Variants in KIF17 observed in about 807,000 individuals in gnomAD.
KIF17 encodes the protein kinesin-like protein KIF17.
In KIF17, 80 loss-of-function variants were observed where a neutral mutation model predicts 96.8. The ratio of observed to expected loss-of-function variants is 0.83; its 90% CI spans 0.69 to 1.00. The LOEUF is 1.00. Among genes scored for constraint, KIF17 ranks in the 50% least tolerant of loss-of-function variants. KIF17 has a pLI of 0.00. For synonymous variants in KIF17, 567 were observed against 587.5 expected, an observed-to-expected ratio of 0.97 and a Z score of 0.51; for missense variants, 1,280 against 1,372.9, an observed-to-expected ratio of 0.93 and a Z score of 1.07.
At position 20,717,865 on chromosome 1, in the gene KIF17, G is replaced by A. The variant is rs1464577946; in HGVS notation, c.-159C>T. On this transcript the variant is annotated 5_prime_UTR_variant, in exon 1 of 15. Coordinates refer to ENST00000400463, the MANE Select transcript of KIF17 (RefSeq NM_001122819.3). Reference sequence around the variant, plus strand: ...GGGGGGCGGGGACCCCTCGGGGGGCGCCCCGGAGGGGAGCTGGGCGTCGCA... The same window carrying A: ...GGGGGGCGGGGACCCCTCGGGGGGCACCCCGGAGGGGAGCTGGGCGTCGCA... 5.2e-6 allele frequency: 2 copies of A among 384,598 alleles called. No homozygotes were observed. The highest frequency in any genetic ancestry group is 1.3e-4 in the African/African-American group (1 of 7,990). 23.8% of individuals were successfully genotyped at this position (384,598 alleles called of 1,614,324 possible).
chr1:20,709,933 C>A lies in KIF17; in HGVS notation c.481-105G>T. ...AAGGGCCCCATCCAGACCGCCCTCG[C>A]CCTCCTGTAATGCAGGCTGGCACCT... On this transcript the variant is annotated intron_variant, in intron 3 of 14. Coordinates refer to ENST00000400463, the MANE Select transcript of KIF17 (RefSeq NM_001122819.3). The surrounding 1 kb of genome is among the most constrained non-coding windows in gnomAD (Gnocchi z 4.7). The A allele has an allele frequency of 9.3e-7, 1 of 1,079,532 alleles. No homozygotes were observed. Among genetic ancestry groups the A allele is most frequent in the South Asian group, 1.3e-5 (1 of 74,318 alleles). 66.9% of individuals were successfully genotyped at this position (1,079,532 alleles called of 1,614,324 possible).
chr1:20,691,126 G>A (rs1015559444), intron 6 of KIF17, among the ~76,000 whole-genome samples: 5 of 150,278 alleles, frequency 3.3e-5, no homozygotes, highest in East Asian at 2.1e-4. Context: ...GCGAAACCCC[G>A]CCTCTACTAA....
At chr1:20,695,525 G>A (rs1351999031) in intron 6 of KIF17, among the ~76,000 whole-genome samples, 1 of 152,116 alleles carries the variant, frequency 6.6e-6, no homozygotes, top group Non-Finnish European at 1.5e-5. Context: ...TGAATCTCAG[G>A]CAGGCGGGTT....
At chr1:20,671,056 TCAG>T (rs2053639631) in intron 12 of KIF17, among the ~76,000 whole-genome samples, 1 of 151,454 alleles carries the variant, frequency 6.6e-6, no homozygotes, top group Non-Finnish European at 1.5e-5. Context: ...ATACGGGAGG[TCAG>T]CAGCAAGAGC....
At chr1:20,686,232 ACCC>A (rs2053936802) in intron 8 of KIF17, 106 bp from the exon 9 acceptor site, 2 of 842,260 alleles carry the variant, frequency 2.4e-6, no homozygotes, top group Admixed American at 4.1e-5. Flanking sequence ...GCCTCCCACC[ACCC>A]CCCAACCTCC....
In KIF17 at chr1:20,685,134, G is replaced by A; in HGVS notation, c.2020-114C>T. On this transcript the variant is annotated intron_variant, in intron 9 of 14. Coordinates refer to ENST00000400463, the MANE Select transcript of KIF17 (RefSeq NM_001122819.3). This position sits in a 1 kb window ranked among gnomAD's most constrained non-coding sequence, Gnocchi z 4.1. ...CATTCCGCCTGCTGCAGCCCCGACA[G>A]ATCACCTCCAGCTCAGGGACACCAG... The A allele has an allele frequency of 1.2e-6, 1 of 807,950 alleles. No homozygotes were observed. Among genetic ancestry groups the A allele is most frequent in the Non-Finnish European group, 2.1e-6 (1 of 468,792 alleles). 50.0% of individuals were successfully genotyped at this position (807,950 alleles called of 1,614,324 possible).
chr1:20,663,984 G>A, downstream of KIF17: 4 of 161,772 alleles, frequency 2.5e-5, no homozygotes, highest in Middle Eastern at 3.4e-3. Flanking sequence ...GGCCCCAAGT[G>A]ACACTGTCAG....
chr1:20,696,607 A>T (rs972729704), intron 6 of KIF17, among the ~76,000 whole-genome samples: 27 of 151,904 alleles, frequency 1.8e-4, no homozygotes, highest in African/African-American at 6.5e-4. Flanking sequence ...CACCAGGGGG[A>T]GGCAGTGCCC....
Position 20,709,501 on chromosome 1 carries a change from T to C in KIF17, c.670+138A>G. The C allele has an allele frequency of 1.1e-6, 1 of 907,590 alleles. No homozygotes were observed. Among genetic ancestry groups the C allele is most frequent in the Non-Finnish European group, 1.8e-6 (1 of 558,992 alleles). The allele number at this position is 907,590 out of a possible 1,614,324, so 56.2% of individuals were successfully genotyped here. ...ACGGGTCCCAGCATCCCAAGGGTCC[T>C]CTTGGGTTTCCTCCAGGCTGTTAGA... On this transcript the variant is annotated intron_variant, in intron 4 of 14. Transcript: ENST00000400463. The surrounding 1 kb of genome is among the most constrained non-coding windows in gnomAD (Gnocchi z 4.7).
intron 10 of KIF17, among the ~76,000 whole-genome samples, chr1:20,683,910 T>C (rs909394210): frequency 5.9e-5 from 9 of 151,642 alleles, no homozygotes; most frequent in African/African-American, 2.2e-4. Flanking sequence ...TCCACTTCTG[T>C]GAAGGCCCCC....
In KIF17 at chr1:20,687,921, G is replaced by A. The variant is rs371293452; in HGVS notation, c.1405C>T (p.Leu469Phe). ...CTGGACATGACCTCAGCCTTGTAGA[G>A]GACTCCCACCTGCAGGACAGCCTCT... ...ETEAVLQVGV[L>F]YKAEVMSRAE... Residue 469 changes from leucine to phenylalanine, a missense_variant, in exon 8 of 15, where the codon CTC becomes TTC. By Grantham distance (22) the Leu-to-Phe change is conservative. Coordinates refer to ENST00000400463, the MANE Select transcript of KIF17 (RefSeq NM_001122819.3). The surrounding 1 kb of genome is among the most constrained non-coding windows in gnomAD (Gnocchi z 4.4). The A allele has an allele frequency of 6.2e-7, 1 of 1,613,758 alleles. No homozygotes were observed. The highest frequency in any genetic ancestry group is 1.3e-5 in the African/African-American group (1 of 75,056).
At position 20,687,365 on chromosome 1, in the gene KIF17, G is replaced by C. The variant is rs1202458379; in HGVS notation, c.1938+23C>G. On this transcript the variant is annotated intron_variant, in intron 8 of 14. Coordinates refer to ENST00000400463, the MANE Select transcript of KIF17 (RefSeq NM_001122819.3). This position sits in a 1 kb window ranked among gnomAD's most constrained non-coding sequence, Gnocchi z 4.4. Reference sequence around the variant, plus strand: ...GCTCTGCCTGCTCAGTGTTCACATGGCACCATGCGTGACATCAGCTACCTG... The same window carrying C: ...GCTCTGCCTGCTCAGTGTTCACATGCCACCATGCGTGACATCAGCTACCTG... 22 of 1,610,620 alleles carry C rather than the reference G, an allele frequency of 1.4e-5. No homozygotes were observed. The highest frequency in any genetic ancestry group is 1.8e-5 in the Non-Finnish European group (21 of 1,178,508).
intron 6 of KIF17, among the ~76,000 whole-genome samples, chr1:20,695,267 A>G (rs1304763453): frequency 6.6e-6 from 1 of 152,090 alleles, no homozygotes; most frequent in East Asian, 1.9e-4. Context: ...GGCTCACTGC[A>G]ACCTCCACCT....
At position 20,715,521 on chromosome 1, in the gene KIF17, G is replaced by A; in HGVS notation, c.350C>T (p.Ala117Val). The change falls in exon 2 of 15, where the codon GCC (alanine) becomes GTC (valine). Residue 117 changes from alanine (A) to valine (V), a missense_variant. Coordinates refer to ENST00000400463, the MANE Select transcript of KIF17 (RefSeq NM_001122819.3). The part of the protein sequence containing the change: ...PPSQRGIIPR[A>V]FEHVFESVQC... ...GACGCTCTCGAACACGTGCTCGAAG[G>A]CCCTGGGGATGATGCCTCTCTGGGA... 6.2e-7 allele frequency: 1 copy of A among 1,613,464 alleles called. No individual in the cohort carries two copies. The highest frequency in any genetic ancestry group is 1.1e-5 in the South Asian group (1 of 91,076).
chr1:20,690,352 G>GGGGCCA lies in KIF17; in HGVS notation c.1234-18_1234-17insTGGCCC. ...TTCATACTCCTGGGGGGGTGGGAGG[G>GGGGCCA]ACCAGAGGGCAGGCAGCATTTTATC... On this transcript the variant is annotated splice_polypyrimidine_tract_variant and intron_variant, in intron 6 of 14. Coordinates refer to ENST00000400463, the MANE Select transcript of KIF17 (RefSeq NM_001122819.3). The GGGGCCA allele has an allele frequency of 2.2e-6, 1 of 451,150 alleles. No individual in the cohort carries two copies. Among genetic ancestry groups the GGGGCCA allele is most frequent in the Non-Finnish European group, 4.3e-6 (1 of 235,128 alleles). 27.9% of individuals were successfully genotyped at this position (451,150 alleles called of 1,614,324 possible). A position where few individuals can be genotyped will look rare whatever the true frequency, so the allele number is the denominator to read the frequency against.
chr1:20,691,214 C>T (rs1477691107), intron 6 of KIF17, among the ~76,000 whole-genome samples: 1 of 150,880 alleles, frequency 6.6e-6, no homozygotes, highest in Non-Finnish European at 1.5e-5. Context: ...ACCACTTGAA[C>T]CTGGGAAGTG....
intron 3 of KIF17, 152 bp downstream of exon 3, chr1:20,713,302 G>GT (rs1446502506): frequency 3.5e-5 from 21 of 601,898 alleles, no homozygotes; most frequent in East Asian, 5.8e-5. Context: ...GCCTAAAAAA[G>GT]TTTTTTTTAA....
chr1:20,669,319 C>T (rs1194036629), intron 13 of KIF17, among the ~76,000 whole-genome samples: 3 of 152,022 alleles, frequency 2.0e-5, no homozygotes, highest in East Asian at 3.9e-4. Flanking sequence ...GGGCAGATCA[C>T]GAGGTCAGGA....
Position 20,676,739 on chromosome 1 carries a change from G to A in KIF17, c.2464-4543C>T, listed in dbSNP as rs180738170. 5.6e-4 allele frequency among the ~76,000 whole-genome samples: 85 copies of A among 152,216 alleles called. 1 individual carries two copies. The highest frequency in any genetic ancestry group is 2.0e-3 in the African/African-American group (83 of 41,524). ...CCAGCTACTTGGGAGGCTGAGGCAG[G>A]AGAATCACTTGAACCTGGGGGGCGA... On this transcript the variant is annotated intron_variant, in intron 11 of 14. Transcript: ENST00000400463.
Sources: gnomAD v4.1 joint callset for allele counts (sites outside exome capture counted in the v4.1 genomes callset) on GRCh38, gnomAD v4.1.1 for gene constraint, Gnocchi (gnomAD v3.1) non-coding constraint, MANE v1.5 for transcripts, NCBI Gene and HGNC (gene_info 2026-07-23, HGNC 2026-07-21) for gene names.